The following ROBO1 variants were observed in gnomAD, a reference collection of about 807,000 sequenced individuals.
ROBO1 encodes the protein roundabout guidance receptor 1, also known as roundabout homolog 1.
ROBO1 carries 149 observed loss-of-function variants against 195.9 expected under a neutral mutation model. That is an observed-to-expected ratio of 0.76 (90% confidence interval 0.67 to 0.87). The LOEUF is 0.87. ROBO1 is among the 40% of genes least tolerant of loss of function. The pLI is 0.00. For synonymous variants in ROBO1, 816 were observed against 733.2 expected (o/e 1.11, Z -1.82); for missense variants, 1,933 against 2,068.3 (o/e 0.93, Z 1.27).
intron 4 of ROBO1, among the ~76,000 whole-genome samples, chr3:78,838,719 A>G (rs2032945930): frequency 6.6e-6 from 1 of 152,172 alleles, no homozygotes; most frequent in Non-Finnish European, 1.5e-5. Flanking sequence ...TACCTCCAAC[A>G]ATGGGATCAA....
chr3:78,874,437 T>C (rs1026254664), intron 4 of ROBO1, among the ~76,000 whole-genome samples: 4 of 151,956 alleles, frequency 2.6e-5, no homozygotes, highest in Admixed American at 2.6e-4. Flanking sequence ...AAAATTTGCA[T>C]TATAACTTAT....
At chr3:79,433,528 A>G (rs2038762919) in intron 2 of ROBO1, among the ~76,000 whole-genome samples, 1 of 152,074 alleles carries the variant, frequency 6.6e-6, no homozygotes. Flanking sequence ...CCTAAAGAGT[A>G]GCTGGCTACA....
At chr3:78,842,834 T>C (rs895108335) in intron 4 of ROBO1, among the ~76,000 whole-genome samples, 6 of 151,984 alleles carry the variant, frequency 3.9e-5, no homozygotes, top group African/African-American at 1.4e-4. Context: ...GCATATACTT[T>C]CTGATGCAGT....
At chr3:79,704,444 A>T (rs147673803) in intron 1 of ROBO1, among the ~76,000 whole-genome samples, 15 of 152,078 alleles carry the variant, frequency 9.9e-5, no homozygotes, top group African/African-American at 3.4e-4. Flanking sequence ...TACAGCTGGA[A>T]GGCTTTTGAG....
intron 5 of ROBO1, among the ~76,000 whole-genome samples, chr3:78,741,451 A>G (rs1220590536): frequency 6.6e-6 from 1 of 152,210 alleles, no homozygotes; most frequent in Non-Finnish European, 1.5e-5. Flanking sequence ...TGTGATGTCT[A>G]CTTTAAATGT....
At chr3:79,655,049 A>G (rs1282595324) in intron 1 of ROBO1, among the ~76,000 whole-genome samples, 1 of 152,004 alleles carries the variant, frequency 6.6e-6, no homozygotes, top group Non-Finnish European at 1.5e-5. Flanking sequence ...ACTGCTTTAT[A>G]AACTGTCACT....
At chr3:79,274,798 A>G (rs1285841081) in intron 2 of ROBO1, among the ~76,000 whole-genome samples, 4 of 152,044 alleles carry the variant, frequency 2.6e-5, no homozygotes, top group African/African-American at 9.7e-5. Flanking sequence ...ATGATGAAGG[A>G]AACATTGCAA....
At chr3:79,279,762 T>G (rs750410765) in intron 2 of ROBO1, among the ~76,000 whole-genome samples, 1 of 152,220 alleles carries the variant, frequency 6.6e-6, no homozygotes, top group Non-Finnish European at 1.5e-5. Context: ...TGATGTGATG[T>G]ATATATCACA....
rs527734623 is a variant in ROBO1 at position 78,907,874 on chromosome 3, A to T, written c.499+30727T>A. 2.6e-4 allele frequency among the ~76,000 whole-genome samples: 39 copies of T among 152,068 alleles called. No homozygotes were observed. In the East Asian group the frequency reaches 7.0e-3, roughly 27 times the overall value. ...TTTTTAAATCTTAATATGAAGAAAA[A>T]TTTTTAAAGTGAATAACTCCCTTCA... On this transcript the variant is annotated intron_variant, in intron 4 of 30. Transcript: ENST00000464233.
intron 3 of ROBO1, chr3:79,019,156 C>G: frequency 1.0e-6 from 1 of 986,600 alleles, no homozygotes; most frequent in Non-Finnish European, 1.2e-6. Flanking sequence ...GACACTCGCA[C>G]GTCTTCTGGG....
At chr3:78,895,454 T>C (rs2037171935) in intron 4 of ROBO1, among the ~76,000 whole-genome samples, 1 of 152,226 alleles carries the variant, frequency 6.6e-6, no homozygotes. Flanking sequence ...TGAAATGCTA[T>C]CATTGGAAAG....
chr3:78,664,118 T>C (rs910151875), intron 14 of ROBO1, among the ~76,000 whole-genome samples: 3 of 152,204 alleles, frequency 2.0e-5, no homozygotes, highest in Non-Finnish European at 1.5e-5. Flanking sequence ...AAGTGACACC[T>C]GATAATATAA....
intron 4 of ROBO1, among the ~76,000 whole-genome samples, chr3:78,881,494 C>CT (rs1274097561): frequency 6.6e-6 from 1 of 152,144 alleles, no homozygotes; most frequent in Non-Finnish European, 1.5e-5. Context: ...CAATTAAAAG[C>CT]ATTTTTCTTT....
chr3:79,499,958 C>T (rs1018341763), intron 2 of ROBO1, among the ~76,000 whole-genome samples: 1 of 151,652 alleles, frequency 6.6e-6, no homozygotes, highest in Non-Finnish European at 1.5e-5. Flanking sequence ...AGGCGTGTGC[C>T]AGTATGCCCG....
chr3:78,634,127 G>T, intron 23 of ROBO1, 85 bp from the exon 24 acceptor site: 1 of 853,526 alleles, frequency 1.2e-6, no homozygotes, highest in Non-Finnish European at 1.8e-6. Flanking sequence ...ATATTTCTGA[G>T]TAACTAAAGA....
At chr3:79,233,291 G>GA (rs910445785) in intron 2 of ROBO1, among the ~76,000 whole-genome samples, 8 of 151,994 alleles carry the variant, frequency 5.3e-5, no homozygotes, top group Admixed American at 6.5e-5. Flanking sequence ...TGGGTGAAGT[G>GA]AAAAAATGGC....
At chr3:78,918,770 C>T (rs2038777364) in intron 4 of ROBO1, among the ~76,000 whole-genome samples, 1 of 152,026 alleles carries the variant, frequency 6.6e-6, no homozygotes, top group Admixed American at 6.6e-5. Flanking sequence ...TCCATATGTC[C>T]CACATACTTC....
At chr3:78,868,422 CT>C (rs1389231534) in intron 4 of ROBO1, among the ~76,000 whole-genome samples, 1 of 152,100 alleles carries the variant, frequency 6.6e-6, no homozygotes, top group East Asian at 1.9e-4. Flanking sequence ...ACCCAATACC[CT>C]ACTTAAATAA....
At chr3:79,220,829 C>T (rs17016836) in intron 2 of ROBO1, among the ~76,000 whole-genome samples, 14,447 of 151,964 alleles carry the variant, frequency 0.095, 1,197 homozygotes, top group African/African-American at 0.22. Flanking sequence ...TTGTTCACTG[C>T]GGATCAGGAT....
Sources: gnomAD v4.1 joint callset for allele counts (sites outside exome capture counted in the v4.1 genomes callset) on GRCh38, gnomAD v4.1.1 for gene constraint, MANE v1.5 for transcripts, NCBI Gene and HGNC (gene_info 2026-07-23, HGNC 2026-07-21) for gene names.